KTN1: variants seen among roughly 807,000 people sequenced by gnomAD.
KTN1 encodes kinectin.
KTN1 carries 130 observed loss-of-function variants against 222.5 expected under a neutral mutation model. That is an observed-to-expected ratio of 0.58 (90% confidence interval 0.51 to 0.68). The LOEUF (loss-of-function observed/expected upper bound fraction) is 0.68. Ranked by LOEUF, KTN1 falls within the 30% of genes least tolerant of loss-of-function variation. The pLI, the probability that KTN1 is intolerant of heterozygous loss-of-function variation, is 0.00. For missense variants in KTN1, 1,508 were observed against 1,500.4 expected (o/e 1.01, Z -0.08); for synonymous variants, 512 against 496.3 (o/e 1.03, Z -0.42).
At chr14:55,681,200 C>T (rs567143666) in intron 43 of KTN1, 1 of 157,480 alleles carries the variant, frequency 6.4e-6, no homozygotes, top group South Asian at 1.9e-4. Flanking sequence ...ATTAATGATC[C>T]CTAATTGCTA....
intron 18 of KTN1, among the ~76,000 whole-genome samples, chr14:55,646,320 A>G (rs1438129759): frequency 6.6e-6 from 1 of 152,146 alleles, no homozygotes; most frequent in Non-Finnish European, 1.5e-5. Flanking sequence ...AACAGGATTT[A>G]TGCACTTGTC....
intron 39 of KTN1, 35 bp from the exon 40 acceptor site, chr14:55,673,137 A>G: frequency 6.4e-7 from 1 of 1,560,892 alleles, no homozygotes; most frequent in Non-Finnish European, 8.8e-7. Flanking sequence ...GGCTATCATA[A>G]GGAGATCAAT....
At chr14:55,681,158 G>T in intron 43 of KTN1, 1 of 155,760 alleles carries the variant, frequency 6.4e-6, no homozygotes, top group Non-Finnish European at 1.4e-5. Context: ...TTTTCTTCCT[G>T]CTATTTCAAT....
chr14:55,590,959 C>T (rs2034013142), intron 1 of KTN1, among the ~76,000 whole-genome samples: 1 of 152,228 alleles, frequency 6.6e-6, no homozygotes, highest in Non-Finnish European at 1.5e-5. Flanking sequence ...CAGGCATGAG[C>T]CACCATGCCC....
At chr14:55,589,472 G>A (rs547783367) in intron 1 of KTN1, among the ~76,000 whole-genome samples, 4 of 151,592 alleles carry the variant, frequency 2.6e-5, no homozygotes, top group South Asian at 2.1e-4. Context: ...ACCAAATCTC[G>A]CTAATATTTG....
chr14:55,586,090 A>G (rs1457133608), intron 1 of KTN1, among the ~76,000 whole-genome samples: 9 of 152,224 alleles, frequency 5.9e-5, no homozygotes, highest in Non-Finnish European at 1.2e-4. Flanking sequence ...CTGGTCTGGT[A>G]TAATAAGCTG....
intron 7 of KTN1, among the ~76,000 whole-genome samples, chr14:55,630,411 C>T (rs974576688): frequency 6.6e-6 from 1 of 152,138 alleles, no homozygotes; most frequent in African/African-American, 2.4e-5. Flanking sequence ...TCTTTTAAAT[C>T]AATTAGGCAT....
intron 34 of KTN1, among the ~76,000 whole-genome samples, chr14:55,669,976 T>A (rs1403707773): frequency 6.6e-6 from 1 of 151,994 alleles, no homozygotes; most frequent in Non-Finnish European, 1.5e-5. Flanking sequence ...ATTTAAAGTA[T>A]GTAACACACA....
intron 10 of KTN1, 71 bp downstream of exon 10, chr14:55,636,607 T>G (rs2041153569): frequency 9.1e-7 from 1 of 1,099,170 alleles, no homozygotes; most frequent in African/African-American, 1.6e-5. Flanking sequence ...CTTCCATCTG[T>G]GAAGAAAGTA....
chr14:55,584,141 A>G (rs1251340068), intron 1 of KTN1, among the ~76,000 whole-genome samples: 1 of 152,204 alleles, frequency 6.6e-6, no homozygotes, highest in Non-Finnish European at 1.5e-5. Flanking sequence ...TTCTCTATGC[A>G]CAGTGAAAGC....
At chr14:55,616,481 T>G (rs770266242) in intron 2 of KTN1, 36 bp from the exon 3 acceptor site, 1 of 1,536,802 alleles carries the variant, frequency 6.5e-7, no homozygotes, top group Non-Finnish European at 8.7e-7. Context: ...GTTCATTGTT[T>G]GCCACAATTA....
intron 37 of KTN1, chr14:55,672,118 C>A: frequency 2.4e-6 from 1 of 410,476 alleles, no homozygotes; most frequent in Non-Finnish European, 4.3e-6. Context: ...ATGTAGAATG[C>A]TAGTTACAGA....
At chr14:55,620,274 G>A (rs949412077) in intron 5 of KTN1, among the ~76,000 whole-genome samples, 10 of 152,164 alleles carry the variant, frequency 6.6e-5, no homozygotes, top group African/African-American at 2.2e-4. Context: ...ATGGGCTGGC[G>A]TTGAGGGTCT....
chr14:55,646,466 TTTCCTTTCCTTTCCTTTCC>T (rs1566788259), intron 18 of KTN1, among the ~76,000 whole-genome samples: 5 of 52,582 alleles, frequency 9.5e-5, no homozygotes, highest in South Asian at 6.0e-4. Context: ...TTCCTTTTCC[TTTCCTTTCCTTTCCTTTCC>T]TTTCCTTTCC....
chr14:55,646,473 T>TC lies in KTN1; in HGVS notation c.2173-498dup, dbSNP rs1555377244. Reference sequence around the variant, plus strand: ...TTTTCCTTTTCCTTTTCCTTTCCTTTCCTTTCCTTTCCTTTCCTTTCCTTT... The same window carrying TC: ...TTTTCCTTTTCCTTTTCCTTTCCTTTCCCTTTCCTTTCCTTTCCTTTCCTTT... On this transcript the variant is annotated intron_variant, in intron 18 of 43. Transcript: ENST00000395314. Among the ~76,000 whole-genome samples, 43 of 51,260 alleles carry TC rather than the reference T, an allele frequency of 8.4e-4. 2 individuals carry two copies. The highest frequency in any genetic ancestry group is 3.6e-3 in the African/African-American group (41 of 11,292). 33.6% of individuals were successfully genotyped at this position (51,260 alleles called of 152,430 possible).
rs773788977 is a variant in KTN1 at position 55,634,680 on chromosome 14, T to C, written c.1461+22T>C. The C allele has an allele frequency of 3.8e-6, 6 of 1,598,132 alleles. No individual in the cohort carries two copies. In the African/African-American group the frequency reaches 6.8e-5, roughly 18 times the overall value. On this transcript the variant is annotated intron_variant, in intron 9 of 43. Coordinates refer to ENST00000395314, the MANE Select transcript of KTN1 (RefSeq NM_001079521.2). ...GAAGGTGATATATTCTCACCTTTAT[T>C]TGTCATTTCATGAATAATATAGGCG...
intron 18 of KTN1, among the ~76,000 whole-genome samples, chr14:55,645,948 AAAGT>A (rs1212798270): frequency 6.6e-6 from 1 of 152,202 alleles, no homozygotes; most frequent in Non-Finnish European, 1.5e-5. Context: ...AAATGGGAAA[AAAGT>A]AAGAAACTAG....
Position 55,659,828 on chromosome 14 carries a change from TCTTGAATTG to T in KTN1, c.2999+127_2999+135del. On this transcript the variant is annotated intron_variant, in intron 31 of 43. Transcript: ENST00000395314. Reference sequence around the variant, plus strand: ...TGATTTTTACAGTTCTATTTGGATATCTTGAATTGCAGTTTAGAGTTGAGTAGTACCTTT... The same window carrying T: ...TGATTTTTACAGTTCTATTTGGATATCAGTTTAGAGTTGAGTAGTACCTTT... 2 of 609,038 alleles carry T rather than the reference TCTTGAATTG, an allele frequency of 3.3e-6. 1 individual carries two copies. Among genetic ancestry groups the T allele is most frequent in the South Asian group, 4.2e-5 (2 of 47,704 alleles). The allele number at this position is 609,038 out of a possible 1,614,324, so 37.7% of individuals were successfully genotyped here.
At chr14:55,630,153 A>G (rs933200409) in intron 7 of KTN1, 56 bp downstream of exon 7, 4 of 1,485,220 alleles carry the variant, frequency 2.7e-6, no homozygotes, top group African/African-American at 2.8e-5. Context: ...TTTATTAGCA[A>G]ACTTTTAAGT....
Sources: allele counts gnomAD v4.1 joint callset (sites outside exome capture counted in the v4.1 genomes callset), GRCh38; gene constraint gnomAD v4.1.1; transcripts MANE v1.5; gene names NCBI Gene and HGNC (gene_info 2026-07-23, HGNC 2026-07-21).